The following SERF2 variants were observed in gnomAD, a reference collection of about 807,000 sequenced individuals.
The protein encoded by SERF2 is gastric cancer-related protein VRG107.
In SERF2, 4 loss-of-function variants were observed where a neutral mutation model predicts 10.7. The observed-to-expected ratio is 0.37, with a 90% CI of 0.18 to 0.86. The LOEUF (loss-of-function observed/expected upper bound fraction) is 0.86, where lower values mean the gene tolerates loss of function less well. SERF2 is among the 40% of genes least tolerant of loss of function. SERF2 has a pLI of 0.43. For synonymous variants in SERF2, 26 were observed against 26.0 expected (o/e 1.00, Z 0.01); for missense variants, 47 against 79.1 (o/e 0.59, Z 1.54).
intron 2 of SERF2, among the ~76,000 whole-genome samples, chr15:43,785,704 C>CTTTTTTTTT (rs71415810): frequency 4.9e-5 from 6 of 122,674 alleles, no homozygotes; most frequent in Non-Finnish European, 1.0e-4. Context: ...TTTTCTTTTT[C>CTTTTTTTTT]TTTTTTTTTT....
chr15:43,782,681 C>T (rs2086973611), intron 1 of SERF2, among the ~76,000 whole-genome samples: 1 of 152,112 alleles, frequency 6.6e-6, no homozygotes, highest in Non-Finnish European at 1.5e-5. Flanking sequence ...TCACTTACCT[C>T]CTGTGTCAGA....
upstream of SERF2, among the ~76,000 whole-genome samples, chr15:43,789,374 GGCCTTCACACGT>G (rs1281020520): frequency 1.3e-5 from 2 of 152,028 alleles, no homozygotes. Flanking sequence ...AGGGCCTTAG[GGCCTTCACACGT>G]GCTGTTCCCT....
upstream of SERF2, among the ~76,000 whole-genome samples, chr15:43,789,862 C>T (rs188884318): frequency 1.8e-4 from 27 of 151,554 alleles, no homozygotes; most frequent in Non-Finnish European, 2.9e-5. Flanking sequence ...AAATACAGTC[C>T]GAGCACAGTG....
upstream of SERF2, among the ~76,000 whole-genome samples, chr15:43,788,954 C>T (rs2087029959): frequency 6.6e-6 from 1 of 152,034 alleles, no homozygotes; most frequent in African/African-American, 2.4e-5. Context: ...TCGAGACCAT[C>T]CTGGCTAACA....
At position 43,783,927 on chromosome 15, in the gene SERF2, A is replaced by ATTT. The variant is rs71111825; in HGVS notation, c.-526-1456_-526-1454dup. 5.0e-3 allele frequency among the ~76,000 whole-genome samples: 239 copies of ATTT among 48,142 alleles called. 31 individuals carry two copies. The highest frequency in any genetic ancestry group is 0.032 in the East Asian group (39 of 1,234). The allele number at this position is 48,142 out of a possible 152,430, so 31.6% of individuals were successfully genotyped here. A position where few individuals can be genotyped will look rare whatever the true frequency, so the allele number is the denominator to read the frequency against. On this transcript the variant is annotated intron_variant, in intron 1 of 4. Coordinates refer to the SERF2 transcript ENST00000381359. ...CAAGCGGGTGCCACCACGCCCAGCT[A>ATTT]TTTTTTTTTTTTTTTTTTTTTTTTT...
At chr15:43,790,835 C>T (rs1276189267), upstream of SERF2, among the ~76,000 whole-genome samples, 1 of 151,656 alleles carries the variant, frequency 6.6e-6, no homozygotes, top group Non-Finnish European at 1.5e-5. Flanking sequence ...GTGATCTCGG[C>T]TCACTGCAAG....
chr15:43,786,153 C>T (rs887549943), intron 2 of SERF2, among the ~76,000 whole-genome samples: 6 of 151,842 alleles, frequency 4.0e-5, no homozygotes, highest in Non-Finnish European at 7.4e-5. Flanking sequence ...CAGCGGCTCA[C>T]GCCTGTAATC....
At chr15:43,790,661 T>A (rs1173478987), upstream of SERF2, among the ~76,000 whole-genome samples, 2 of 151,756 alleles carry the variant, frequency 1.3e-5, no homozygotes, top group Non-Finnish European at 2.9e-5. Context: ...CGCAGCTACT[T>A]GGGAGGCTGA....
At position 43,793,877 on chromosome 15, in the gene SERF2, G is replaced by C. The variant is rs757746110; in HGVS notation, c.*104G>C. 6.2e-7 allele frequency: 1 copy of C among 1,608,424 alleles called. No homozygotes were observed. Among genetic ancestry groups the C allele is most frequent in the Admixed American group, 1.7e-5 (1 of 58,346 alleles). On this transcript the variant is annotated 3_prime_UTR_variant, in exon 3 of 3. Transcript: ENST00000249786. Reference sequence around the variant, plus strand: ...TGTAGTGCTCACAGGTCCCAGCACCGATGGCATTCCCTTTGCCCTGAGTCT... The same window carrying C: ...TGTAGTGCTCACAGGTCCCAGCACCCATGGCATTCCCTTTGCCCTGAGTCT...
chr15:43,793,591 G>A (rs2087124767), intron 2 of SERF2, 119 bp from the exon 3 acceptor site: 1 of 1,582,018 alleles, frequency 6.3e-7, no homozygotes, highest in Non-Finnish European at 8.6e-7. Context: ...GAGTACAGCA[G>A]CCAAACGCTG....
In SERF2 at chr15:43,794,884, G is replaced by C; in HGVS notation, c.*1111G>C. On this transcript the variant is annotated 3_prime_UTR_variant, in exon 3 of 3. Transcript: ENST00000249786. ...CTTCCAGTTCATAGTATTGACTTCA[G>C]CCCAAACGGAGATAACTCCCTGTGT... The C allele has an allele frequency of 1.3e-6, 1 of 793,412 alleles. No individual in the cohort carries two copies. The allele number at this position is 793,412 out of a possible 1,614,324, so 49.1% of individuals were successfully genotyped here.
Position 43,793,964 on chromosome 15 carries a change from C to CGGGGGTGA in SERF2, c.*198_*205dup. 1 of 1,541,358 alleles carries CGGGGGTGA rather than the reference C, an allele frequency of 6.5e-7. No homozygotes were observed. The highest frequency in any genetic ancestry group is 8.8e-7 in the Non-Finnish European group (1 of 1,142,738). ...AGCCTCTCTCCCCCTGGGCCACTCCCGGGGGTGAGGGGGTTACCCCTTCCC... is the reference window on the plus strand; with the variant it reads ...AGCCTCTCTCCCCCTGGGCCACTCCCGGGGGTGAGGGGGTGAGGGGGTTACCCCTTCCC... On this transcript the variant is annotated 3_prime_UTR_variant, in exon 3 of 3. Coordinates refer to ENST00000249786, the MANE Select transcript of SERF2 (RefSeq NM_001018108.4).
intron 2 of SERF2, among the ~76,000 whole-genome samples, chr15:43,786,890 T>C (rs1259726439): frequency 6.6e-6 from 1 of 152,166 alleles, no homozygotes; most frequent in Non-Finnish European, 1.5e-5. Flanking sequence ...GGAAAAAAAG[T>C]CCTTCTCTTT....
At chr15:43,793,462 A>T in intron 2 of SERF2, 2 of 1,105,662 alleles carry the variant, frequency 1.8e-6, no homozygotes, top group Non-Finnish European at 2.5e-6. Context: ...GTGGTCCTCA[A>T]TACAGAATAG....
intron 1 of SERF2, among the ~76,000 whole-genome samples, chr15:43,779,206 A>G (rs545607523): frequency 1.3e-5 from 2 of 152,130 alleles, no homozygotes; most frequent in African/African-American, 2.4e-5. Flanking sequence ...GGTTAGGTAG[A>G]TGTGGTGGGA....
chr15:43,788,649 C>T (rs1425253309), upstream of SERF2, among the ~76,000 whole-genome samples: 3 of 152,196 alleles, frequency 2.0e-5, no homozygotes, highest in Non-Finnish European at 2.9e-5. Context: ...TATTCATCTG[C>T]TGTAATCCAT....
Position 43,793,914 on chromosome 15 carries a change from C to T in SERF2, c.*141C>T, listed in dbSNP as rs747606015. 12 of 1,574,030 alleles carry T rather than the reference C, an allele frequency of 7.6e-6. No homozygotes were observed. In the South Asian group the frequency reaches 9.1e-5, roughly 12 times the overall value. On this transcript the variant is annotated 3_prime_UTR_variant, in exon 3 of 3. Coordinates refer to ENST00000249786, the MANE Select transcript of SERF2 (RefSeq NM_001018108.4). ...TTTGCCCTGAGTCTGCAGCGGGTCC[C>T]TTTTGTGCTTCCTTCCCCTCAGGTA... is the stretch of plus-strand genomic sequence containing the variant.
rs945393343 is a variant in SERF2 at position 43,792,654 on chromosome 15, C to G, written c.7+271C>G. ...GCCCCTGTGATAGGCCCAGAGCCCC[C>G]ACTCCACAAGCCAGCCCATCCCCCA... On this transcript the variant is annotated intron_variant, in intron 1 of 2. Transcript: ENST00000249786. 8 of 1,371,780 alleles carry G rather than the reference C, an allele frequency of 5.8e-6. No individual in the cohort carries two copies. The East Asian group carries it at 7.7e-5, about 13-fold the overall frequency. 85.0% of individuals were successfully genotyped at this position (1,371,780 alleles called of 1,614,324 possible).
chr15:43,786,414 CA>C (rs1190326241), intron 2 of SERF2, among the ~76,000 whole-genome samples: 4,594 of 69,006 alleles, frequency 0.067, 72 homozygotes, highest in Non-Finnish European at 0.097. Flanking sequence ...GACTCTGTCT[CA>C]AAAAAAAAAA....
Sources: allele counts gnomAD v4.1 joint callset (sites outside exome capture counted in the v4.1 genomes callset), GRCh38; gene constraint gnomAD v4.1.1; transcripts MANE v1.5; gene names NCBI Gene and HGNC (gene_info 2026-07-23, HGNC 2026-07-21).